The following DRG2 variants were observed in gnomAD, a reference collection of about 807,000 sequenced individuals.
The protein encoded by DRG2 is developmentally-regulated GTP-binding protein 2.
A neutral mutation model predicts 53.4 loss-of-function variants in DRG2; 36 were observed. The ratio of observed to expected loss-of-function variants is 0.67; its 90% CI spans 0.52 to 0.89. The LOEUF (loss-of-function observed/expected upper bound fraction) is 0.89, where lower values mean the gene tolerates loss of function less well. Ranked by LOEUF, DRG2 falls within the 40% of genes least tolerant of loss-of-function variation. The pLI is 0.00. For missense variants in DRG2, 342 were observed against 481.2 expected (o/e 0.71, Z 2.71); for synonymous variants, 167 against 192.1 (o/e 0.87, Z 1.08).
chr17:18,092,210 T>TC (rs944792125), intron 1 of DRG2: 1 of 152,160 alleles, frequency 6.6e-6, no homozygotes, highest in Non-Finnish European at 1.5e-5. Context: ...CAACCTGTAA[T>TC]CCCAGCACTT....
chr17:18,088,210 C>T, intron 1 of DRG2, 123 bp downstream of exon 1: 2 of 1,279,170 alleles, frequency 1.6e-6, no homozygotes, highest in South Asian at 2.9e-5. Context: ...AGTTGCCAGA[C>T]AAGTGCCGAG....
At chr17:18,102,067 C>T (rs889748457) in intron 9 of DRG2, 70 bp downstream of exon 9, 49 of 1,503,198 alleles carry the variant, frequency 3.3e-5, no homozygotes, top group African/African-American at 2.6e-4. Flanking sequence ...TCAGGCCTCC[C>T]AGCCACTTTG....
chr17:18,101,591 G>T lies in DRG2; in HGVS notation c.729+1G>T. On this transcript the variant is annotated splice_donor_variant, in intron 8 of 12. Transcript: ENST00000225729. LOFTEE classifies it high-confidence loss of function. ...CCGGGTGTACATGCCCTGCCTGTAT[G>T]TAAGTGCAGGAGGGGAGCCCTGGCC... 2 of 1,613,664 alleles carry T rather than the reference G, an allele frequency of 1.2e-6. No individual in the cohort carries two copies. The highest frequency in any genetic ancestry group is 1.7e-6 in the Non-Finnish European group (2 of 1,179,610).
At chr17:18,106,511 CA>C (rs1382870097) in intron 12 of DRG2, 25 bp downstream of exon 12, 21 of 1,613,580 alleles carry the variant, frequency 1.3e-5, no homozygotes, top group South Asian at 3.3e-5. Flanking sequence ...GGAAAGCAAC[CA>C]GGGGGGTAGA....
At chr17:18,107,088 G>T in intron 12 of DRG2, 66 bp from the exon 13 acceptor site, 4 of 1,467,724 alleles carry the variant, frequency 2.7e-6, no homozygotes, top group South Asian at 2.3e-5. Flanking sequence ...ACACGCCCAG[G>T]GATATCTTCC....
intron 10 of DRG2, 76 bp from the exon 11 acceptor site, chr17:18,104,547 T>C: frequency 6.2e-7 from 1 of 1,605,796 alleles, no homozygotes; most frequent in Non-Finnish European, 8.5e-7. Context: ...TGGCCAGCTC[T>C]TCCCTCGCGC....
chr17:18,099,701 GC>G lies in DRG2; in HGVS notation c.447del (p.Thr150ProfsTer46). The G allele has an allele frequency of 6.2e-7, 1 of 1,606,186 alleles. No homozygotes were observed. The highest frequency in any genetic ancestry group is 1.7e-5 in the Admixed American group (1 of 58,628). Reference sequence around the variant, plus strand: ...TGACGTCATCATCATGATGCTGGATGCCACCAAGGGAGAGGTGCAGAGGTCC... The same window carrying G: ...TGACGTCATCATCATGATGCTGGATGCACCAAGGGAGAGGTGCAGAGGTCC... ...TADVIIMMLD[A>X]TKGEVQRSLL... is the part of the protein sequence containing the mutation. On this transcript the variant is annotated frameshift_variant, in exon 5 of 13. Transcript: ENST00000225729. LOFTEE classifies it high-confidence loss of function. The surrounding 1 kb of genome is among the most constrained non-coding windows in gnomAD (Gnocchi z 4.4).
At chr17:18,092,771 G>C (rs991851855) in intron 1 of DRG2, among the ~76,000 whole-genome samples, 1 of 152,240 alleles carries the variant, frequency 6.6e-6, no homozygotes, top group Admixed American at 6.5e-5. Context: ...CCCTGAAGCA[G>C]TAGAATGCTC....
chr17:18,102,394 G>T (rs942484682), intron 9 of DRG2, among the ~76,000 whole-genome samples: 21 of 152,132 alleles, frequency 1.4e-4, no homozygotes, highest in African/African-American at 4.8e-4. Context: ...GGGCTGTGGC[G>T]GGTGGATCAT....
rs1489863583 is a variant in DRG2, at chr17:18,099,578, T to G, written c.377-55T>G. 2 of 1,550,376 alleles carry G rather than the reference T, an allele frequency of 1.3e-6. No homozygotes were observed. The highest frequency in any genetic ancestry group is 1.7e-6 in the Non-Finnish European group (2 of 1,143,566). Reference sequence around the variant, plus strand: ...GACAGGAGTCCAGGGCGCCGTGGGCTGGGTAGCAGTCACATGGGTCCACAT... The same window carrying G: ...GACAGGAGTCCAGGGCGCCGTGGGCGGGGTAGCAGTCACATGGGTCCACAT... On this transcript the variant is annotated intron_variant, in intron 4 of 12. Coordinates refer to ENST00000225729, the MANE Select transcript of DRG2 (RefSeq NM_001388.5). This position sits in a 1 kb window ranked among gnomAD's most constrained non-coding sequence, Gnocchi z 4.4.
chr17:18,106,414 ACT>A lies in DRG2; in HGVS notation c.955-13_955-12del. The A allele has an allele frequency of 6.2e-7, 1 of 1,613,104 alleles. No individual in the cohort carries two copies. Among genetic ancestry groups the A allele is most frequent in the Non-Finnish European group, 8.5e-7 (1 of 1,179,702 alleles). ...AGGTGAAGCCTCACCTCTCTACCTG[ACT>A]CTCTCCTGTCCTCCAGTGCCACCGC... On this transcript the variant is annotated splice_polypyrimidine_tract_variant and intron_variant, in intron 11 of 12. Transcript: ENST00000225729.
intron 2 of DRG2, 154 bp downstream of exon 2, chr17:18,094,127 C>A: frequency 9.8e-7 from 1 of 1,020,190 alleles, no homozygotes; most frequent in Non-Finnish European, 1.4e-6. Context: ...CCTTTATCAT[C>A]CTAACATGGA....
intron 1 of DRG2, among the ~76,000 whole-genome samples, chr17:18,088,489 T>C (rs1226688729): frequency 6.6e-6 from 1 of 152,188 alleles, no homozygotes; most frequent in African/African-American, 2.4e-5. Context: ...ACCCAGCAGC[T>C]GAGAGCCCAT....
At chr17:18,104,047 G>A (rs1426212815) in intron 10 of DRG2, among the ~76,000 whole-genome samples, 158 bp downstream of exon 10, 3 of 152,180 alleles carry the variant, frequency 2.0e-5, no homozygotes, top group Non-Finnish European at 4.4e-5. Flanking sequence ...GGCACTGCTG[G>A]TTTTGAGGGT....
At chr17:18,088,794 G>A (rs941456072) in intron 1 of DRG2, among the ~76,000 whole-genome samples, 3 of 152,204 alleles carry the variant, frequency 2.0e-5, no homozygotes, top group Non-Finnish European at 4.4e-5. Context: ...AAGGGCTGGA[G>A]GAGCTCACAG....
chr17:18,090,417 T>A (rs1462576193), intron 1 of DRG2, among the ~76,000 whole-genome samples: 4 of 74,078 alleles, frequency 5.4e-5, no homozygotes, highest in East Asian at 7.7e-4. Flanking sequence ...TTTTTTTTTT[T>A]TTTTTTTTTT....
chr17:18,090,406 ATTTTTTTTTTTTT>A (rs1186716416), intron 1 of DRG2, among the ~76,000 whole-genome samples: 2 of 22,698 alleles, frequency 8.8e-5, no homozygotes, highest in African/African-American at 4.5e-4. Flanking sequence ...ATATATATAT[ATTTTTTTTTTTTT>A]TTTTTTTTTT....
intron 1 of DRG2, among the ~76,000 whole-genome samples, chr17:18,088,325 C>T (rs1049571715): frequency 5.9e-5 from 9 of 152,306 alleles, no homozygotes; most frequent in African/African-American, 2.2e-4. Flanking sequence ...ACCGTGTGCC[C>T]GAGTAGAGTA....
At position 18,100,485 on chromosome 17, in the gene DRG2, T is replaced by G. The variant is rs1356944746; in HGVS notation, c.540+50T>G. On this transcript the variant is annotated intron_variant, in intron 6 of 12. Transcript: ENST00000225729. The surrounding 1 kb of genome is among the most constrained non-coding windows in gnomAD (Gnocchi z 4.1). ...GCCAGGGGTGTGGCAGTTTTGAGAC[T>G]GCATTGGCTGGCGGCTGAGGCTGTG... 16 of 1,613,788 alleles carry G rather than the reference T, an allele frequency of 9.9e-6. No homozygotes were observed. Among genetic ancestry groups the G allele is most frequent in the African/African-American group, 1.3e-5 (1 of 74,928 alleles).
Sources: gnomAD v4.1 joint callset for allele counts (sites outside exome capture counted in the v4.1 genomes callset) on GRCh38, gnomAD v4.1.1 for gene constraint, Gnocchi (gnomAD v3.1) non-coding constraint, MANE v1.5 for transcripts, NCBI Gene and HGNC (gene_info 2026-07-23, HGNC 2026-07-21) for gene names.